Variants in CPED1 observed in about 807,000 individuals in gnomAD.
CPED1 encodes cadherin-like and PC-esterase domain-containing protein 1.
Under a neutral mutation model 128.2 loss-of-function variants are expected in CPED1, and 114 were observed. That is an observed-to-expected ratio of 0.89 (90% CI 0.76 to 1.04). The LOEUF is 1.04. Among genes scored for constraint, CPED1 ranks in the 50% least tolerant of loss-of-function variants. The pLI is 0.00. For synonymous variants in CPED1, 462 were observed against 426.7 expected (o/e 1.08, Z -1.02); for missense variants, 1,211 against 1,207.1 (o/e 1.00, Z -0.05).
intron 16 of CPED1, among the ~76,000 whole-genome samples, chr7:121,216,495 G>A (rs1041702597): frequency 2.0e-5 from 3 of 151,972 alleles, no homozygotes; most frequent in African/African-American, 4.8e-5. Context: ...TGGGTTAAAA[G>A]AAAGAAGGGG....
At chr7:120,994,282 A>T (rs1796356935) in intron 2 of CPED1, among the ~76,000 whole-genome samples, 4 of 152,180 alleles carry the variant, frequency 2.6e-5, no homozygotes, top group South Asian at 4.1e-4. Context: ...CTAAAAAAAA[A>T]TCCCCTACAG....
At chr7:121,251,513 A>C (rs952117360) in intron 18 of CPED1, among the ~76,000 whole-genome samples, 4 of 152,198 alleles carry the variant, frequency 2.6e-5, no homozygotes, top group Non-Finnish European at 4.4e-5. Flanking sequence ...TTAGGAAAAG[A>C]GGAAGTCAAA....
At chr7:121,159,787 C>T (rs1237850095) in intron 16 of CPED1, among the ~76,000 whole-genome samples, 1 of 152,158 alleles carries the variant, frequency 6.6e-6, no homozygotes, top group Non-Finnish European at 1.5e-5. Context: ...TGGTAAACTT[C>T]TCCAGGCCAA....
chr7:121,221,401 G>A (rs984939264), intron 16 of CPED1, among the ~76,000 whole-genome samples: 1 of 152,218 alleles, frequency 6.6e-6, no homozygotes, highest in Non-Finnish European at 1.5e-5. Flanking sequence ...CTTTGCTATT[G>A]TGAATAGTGC....
chr7:121,039,518 A>G (rs1411788101), intron 3 of CPED1, among the ~76,000 whole-genome samples: 1 of 152,040 alleles, frequency 6.6e-6, no homozygotes, highest in Non-Finnish European at 1.5e-5. Flanking sequence ...TGATTTTTAA[A>G]TTGTTGCAAT....
chr7:121,019,658 A>G (rs1190536578), intron 3 of CPED1, among the ~76,000 whole-genome samples: 6 of 152,002 alleles, frequency 3.9e-5, no homozygotes, highest in Non-Finnish European at 1.5e-5. Context: ...TTCATCTTTA[A>G]ACTGATTTTG....
intron 11 of CPED1, among the ~76,000 whole-genome samples, chr7:121,129,761 A>C (rs1354695173): frequency 6.6e-6 from 1 of 151,888 alleles, no homozygotes; most frequent in East Asian, 1.9e-4. Context: ...GGGAAGATTA[A>C]TATTTCTCAC....
intron 5 of CPED1, among the ~76,000 whole-genome samples, chr7:121,067,972 T>G (rs1327709219): frequency 6.6e-6 from 1 of 152,226 alleles, no homozygotes; most frequent in East Asian, 1.9e-4. Context: ...TTTGTTTTTT[T>G]CTTGTAAATT....
At chr7:121,268,945 CAT>C in intron 21 of CPED1, among the ~76,000 whole-genome samples, 1 of 152,040 alleles carries the variant, frequency 6.6e-6, no homozygotes, top group South Asian at 2.1e-4. Flanking sequence ...TCATGTCAGT[CAT>C]ATACTCCTTG....
In CPED1 at chr7:121,142,038, C is replaced by T. The variant is rs1795917423; in HGVS notation, c.1952C>T (p.Pro651Leu). ...TCAATATTTGTTGTGGATGAATCTC[C>T]AGCACACGGTGAGACTCTGATCACG... ...KISIFVVDES[P>L]AHGETLITYK... Residue 651 changes from proline to leucine, a missense_variant, in exon 16 of 23, where the codon CCA (proline) becomes CTA (leucine). By Grantham distance (98) the Pro-to-Leu change is moderately conservative (BLOSUM62 -3). Transcript: ENST00000310396. The T allele has an allele frequency of 1.2e-6, 2 of 1,612,622 alleles. No homozygotes were observed. Among genetic ancestry groups the T allele is most frequent in the South Asian group, 1.1e-5 (1 of 91,030 alleles).
At chr7:121,003,416 A>G (rs1201054535) in intron 2 of CPED1, among the ~76,000 whole-genome samples, 1 of 152,208 alleles carries the variant, frequency 6.6e-6, no homozygotes, top group African/African-American at 2.4e-5. Flanking sequence ...TAAAGAAAGG[A>G]TTAGAGAGTT....
intron 4 of CPED1, among the ~76,000 whole-genome samples, chr7:121,047,718 T>TTCTTCTTCTTCTTCTTC: frequency 2.2e-5 from 2 of 92,648 alleles, no homozygotes; most frequent in South Asian, 6.3e-4. Flanking sequence ...TCTTCTTCTT[T>TTCTTCTTCTTCTTCTTC]TTTTTTTTTT....
At chr7:121,075,208 T>C (rs2116108100) in intron 5 of CPED1, among the ~76,000 whole-genome samples, 1 of 152,238 alleles carries the variant, frequency 6.6e-6, no homozygotes, top group East Asian at 1.9e-4. Flanking sequence ...TTTTTTTTAG[T>C]TTTTACTGCA....
chr7:121,119,010 A>G (rs1795319294), intron 7 of CPED1, among the ~76,000 whole-genome samples: 1 of 152,104 alleles, frequency 6.6e-6, no homozygotes, highest in Non-Finnish European at 1.5e-5. Flanking sequence ...TATTCAGACA[A>G]ATCAGAGCTG....
intron 16 of CPED1, among the ~76,000 whole-genome samples, chr7:121,207,415 A>G (rs1241490710): frequency 6.6e-6 from 1 of 152,060 alleles, no homozygotes; most frequent in Non-Finnish European, 1.5e-5. Flanking sequence ...AAAAAATGTA[A>G]AACAAATATT....
intron 16 of CPED1, among the ~76,000 whole-genome samples, chr7:121,205,181 A>G (rs1284867253): frequency 2.0e-5 from 3 of 152,106 alleles, no homozygotes; most frequent in South Asian, 4.1e-4. Context: ...TGTATATGTC[A>G]TCAAACATGA....
chr7:121,176,580 T>C (rs1377068341), intron 16 of CPED1, among the ~76,000 whole-genome samples: 1 of 152,052 alleles, frequency 6.6e-6, no homozygotes, highest in Non-Finnish European at 1.5e-5. Context: ...TTAGCCATGA[T>C]TAAAGGAGTC....
In CPED1 at chr7:121,297,239, C is replaced by G. The variant is rs1792840267; in HGVS notation, c.*1587C>G. ...ATTTTTTTAATGACATAAAACGTTA[C>G]CAATGTGTGCAGCCTCTCCATCATG... On this transcript the variant is annotated 3_prime_UTR_variant, in exon 23 of 23. Coordinates refer to ENST00000310396, the MANE Select transcript of CPED1 (RefSeq NM_024913.5). 1 of 151,848 alleles carries G rather than the reference C, an allele frequency of 6.6e-6. No individual in the cohort carries two copies. Among genetic ancestry groups the G allele is most frequent in the South Asian group, 2.1e-4 (1 of 4,814 alleles). 9.4% of individuals were successfully genotyped at this position (151,848 alleles called of 1,614,324 possible).
chr7:121,297,019 T>C lies in CPED1; in HGVS notation c.*1367T>C, dbSNP rs1792836057. 1 of 152,054 alleles carries C rather than the reference T, an allele frequency of 6.6e-6. No homozygotes were observed. Among genetic ancestry groups the C allele is most frequent in the Non-Finnish European group, 1.5e-5 (1 of 67,942 alleles). The allele number at this position is 152,054 out of a possible 1,614,324, so 9.4% of individuals were successfully genotyped here. A position where few individuals can be genotyped will look rare whatever the true frequency, so the allele number is the denominator to read the frequency against. ...CTCTATTTTTATATATATTTTTATATGAAGATAAACATGAATTTATATTTA... is the reference window on the plus strand; with the variant it reads ...CTCTATTTTTATATATATTTTTATACGAAGATAAACATGAATTTATATTTA... On this transcript the variant is annotated 3_prime_UTR_variant, in exon 23 of 23. Coordinates refer to ENST00000310396, the MANE Select transcript of CPED1 (RefSeq NM_024913.5).
Sources: allele counts gnomAD v4.1 joint callset (sites outside exome capture counted in the v4.1 genomes callset), GRCh38; gene constraint gnomAD v4.1.1; transcripts MANE v1.5; gene names NCBI Gene and HGNC (gene_info 2026-07-23, HGNC 2026-07-21).